The following CLTC variants were observed in gnomAD, a reference collection of about 807,000 sequenced individuals.
The protein encoded by CLTC is clathrin heavy chain, also known as clathrin heavy chain 1.
CLTC carries 16 observed loss-of-function variants against 195.8 expected under a neutral mutation model. That is an observed-to-expected ratio of 0.08 (90% CI 0.06 to 0.12). CLTC has a LOEUF of 0.12. Ranked by LOEUF, CLTC falls within the 10% of genes least tolerant of loss-of-function variation. The pLI is 1.00. For missense variants in CLTC, 796 were observed against 2,027.0 expected, an observed-to-expected ratio of 0.39 and a Z score of 11.66; for synonymous variants, 667 against 689.4, an observed-to-expected ratio of 0.97 and a Z score of 0.51.
chr17:59,647,081 G>A (rs1274170920), intron 2 of CLTC, among the ~76,000 whole-genome samples: 4 of 152,174 alleles, frequency 2.6e-5, no homozygotes, highest in African/African-American at 9.7e-5. Flanking sequence ...CAAGTATGAA[G>A]GTGACAGCTT....
Position 59,682,914 on chromosome 17 carries a change from T to C in CLTC, c.3773T>C (p.Phe1258Ser), listed in dbSNP as rs1332973535. The stretch of plus-strand genomic sequence containing the variant: ...AGGAAATGTTTATTCTAGGTCTGCT[T>C]CGCCTGTGTAGATGGGAAAGAATTC... ...NSTRTWKEVC[F>S]ACVDGKEFRL... Residue 1258 changes from phenylalanine to serine, a missense_variant, in exon 24 of 32, where the codon TTC becomes TCC. By Grantham distance (155) the Phe-to-Ser change is radical. Transcript: ENST00000269122. This position sits in a 1 kb window ranked among gnomAD's most constrained non-coding sequence, Gnocchi z 6.8. The C allele has an allele frequency of 1.9e-6, 3 of 1,614,026 alleles. No individual in the cohort carries two copies. In the African/African-American group the frequency reaches 4.0e-5, roughly 22 times the overall value.
At chr17:59,649,155 T>G (rs2032267921) in intron 4 of CLTC, among the ~76,000 whole-genome samples, 1 of 152,074 alleles carries the variant, frequency 6.6e-6, no homozygotes. Flanking sequence ...AATGGTCTGT[T>G]TAGTGAAGGA....
chr17:59,648,472 A>G lies in CLTC; in HGVS notation c.681+71A>G. ...GCTTTCTGCTATGAATTAGTCATCT[A>G]ATTTCAAAATAGCCTTCTCCCTTCC... On this transcript the variant is annotated intron_variant, in intron 4 of 31. Transcript: ENST00000269122. This position sits in a 1 kb window ranked among gnomAD's most constrained non-coding sequence, Gnocchi z 4.5. 1 of 1,337,690 alleles carries G rather than the reference A, an allele frequency of 7.5e-7. No individual in the cohort carries two copies. Among genetic ancestry groups the G allele is most frequent in the Non-Finnish European group, 1.0e-6 (1 of 971,186 alleles). The allele number at this position is 1,337,690 out of a possible 1,614,324, so 82.9% of individuals were successfully genotyped here.
intron 17 of CLTC, 163 bp from the exon 18 acceptor site, chr17:59,679,234 T>C (rs973544257): frequency 2.0e-6 from 1 of 496,402 alleles, no homozygotes; most frequent in Admixed American, 4.0e-5. Context: ...GTCTATATAA[T>C]TAAAACAGTA....
intron 2 of CLTC, among the ~76,000 whole-genome samples, chr17:59,645,679 A>G (rs540189927): frequency 6.6e-6 from 1 of 152,318 alleles, no homozygotes; most frequent in African/African-American, 2.4e-5. Context: ...TAGTAATAAT[A>G]CTAGTTGGAG....
At chr17:59,679,996 G>A (rs1345851414) in intron 18 of CLTC, among the ~76,000 whole-genome samples, 1 of 151,852 alleles carries the variant, frequency 6.6e-6, no homozygotes, top group Non-Finnish European at 1.5e-5. Flanking sequence ...GCAGTAAGCC[G>A]AGATCACGCC....
intron 2 of CLTC, chr17:59,646,107 A>G: frequency 2.6e-6 from 1 of 386,840 alleles, no homozygotes; most frequent in Non-Finnish European, 3.5e-6. Context: ...ATTGTACAAT[A>G]ACATCATAGA....
intron 1 of CLTC, among the ~76,000 whole-genome samples, chr17:59,643,922 T>C (rs575597567): frequency 6.6e-6 from 1 of 152,264 alleles, no homozygotes; most frequent in East Asian, 1.9e-4. Context: ...TGCTACATGT[T>C]AAGGGGGGTG....
chr17:59,680,906 CTG>C lies in CLTC; in HGVS notation c.2920-4_2920-3del. The C allele has an allele frequency of 6.2e-7, 1 of 1,611,270 alleles. No individual in the cohort carries two copies. The highest frequency in any genetic ancestry group is 1.1e-5 in the South Asian group (1 of 90,594). Reference sequence around the variant, plus strand: ...TCAGTACTTATGTCCCATATATCCTCTGTAGGTTGTACAAACAGCTTTGTCTG... The same window carrying C: ...TCAGTACTTATGTCCCATATATCCTCTAGGTTGTACAAACAGCTTTGTCTG... On this transcript the variant is annotated splice_region_variant and splice_polypyrimidine_tract_variant and intron_variant, in intron 18 of 31. Coordinates refer to ENST00000269122, the MANE Select transcript of CLTC (RefSeq NM_004859.4).
intron 28 of CLTC, 69 bp downstream of exon 28, chr17:59,684,054 AGC>A: frequency 3.9e-6 from 4 of 1,012,690 alleles, no homozygotes; most frequent in Non-Finnish European, 6.0e-6. Context: ...TTTTTAAAAA[AGC>A]CATTATCCTT....
chr17:59,622,477 A>G (rs2031411511), intron 1 of CLTC, among the ~76,000 whole-genome samples: 1 of 152,162 alleles, frequency 6.6e-6, no homozygotes, highest in Non-Finnish European at 1.5e-5. Context: ...TACTGGGCTC[A>G]AGCCATCCTC....
chr17:59,644,784 C>T (rs1331570609), intron 2 of CLTC, among the ~76,000 whole-genome samples: 1 of 152,178 alleles, frequency 6.6e-6, no homozygotes, highest in Non-Finnish European at 1.5e-5. Flanking sequence ...AACTCCTAAC[C>T]TCATGATCCG....
intron 1 of CLTC, among the ~76,000 whole-genome samples, chr17:59,643,293 ATAGT>A (rs1358980216): frequency 5.3e-5 from 8 of 152,216 alleles, no homozygotes; most frequent in Admixed American, 3.3e-4. Context: ...CTGTTACAAC[ATAGT>A]TAGTCACCCA....
Position 59,696,558 on chromosome 17 carries a change from C to G in CLTC, c.*2706C>G, listed in dbSNP as rs1231178176. 4 of 212,054 alleles carry G rather than the reference C, an allele frequency of 1.9e-5. No individual in the cohort carries two copies. The highest frequency in any genetic ancestry group is 3.8e-5 in the Non-Finnish European group (4 of 104,902). 13.1% of individuals were successfully genotyped at this position (212,054 alleles called of 1,614,324 possible). A position where few individuals can be genotyped will look rare whatever the true frequency, so the allele number is the denominator to read the frequency against. On this transcript the variant is annotated 3_prime_UTR_variant, in exon 32 of 32. Coordinates refer to ENST00000269122, the MANE Select transcript of CLTC (RefSeq NM_004859.4). Reference sequence around the variant, plus strand: ...TTCTAACAAGATGACTATCAGGAAGCTATGTGGCTTGGGGAGTTGGGACCC... The same window carrying G: ...TTCTAACAAGATGACTATCAGGAAGGTATGTGGCTTGGGGAGTTGGGACCC...
rs2143594302 is a variant in CLTC, at chr17:59,682,588, A to G, written c.3601-41A>G. The stretch of plus-strand genomic sequence containing the variant: ...AATTTGAAAAGAGGATTAAGCTCAC[A>G]CTAATATCTTGCTGAATGTGGGTTA... On this transcript the variant is annotated intron_variant, in intron 22 of 31. Coordinates refer to ENST00000269122, the MANE Select transcript of CLTC (RefSeq NM_004859.4). The surrounding 1 kb of genome is among the most constrained non-coding windows in gnomAD (Gnocchi z 6.8). 6.2e-7 allele frequency: 1 copy of G among 1,608,834 alleles called. No individual in the cohort carries two copies. Among genetic ancestry groups the G allele is most frequent in the Admixed American group, 1.7e-5 (1 of 59,662 alleles).
intron 31 of CLTC, among the ~76,000 whole-genome samples, chr17:59,692,655 C>T (rs79197443): frequency 2.0e-5 from 3 of 151,550 alleles, no homozygotes; most frequent in South Asian, 4.1e-4. Context: ...TTTTTTCCCC[C>T]AAGATGGGGT....
chr17:59,677,781 C>T (rs567275428), intron 17 of CLTC, among the ~76,000 whole-genome samples: 5 of 152,202 alleles, frequency 3.3e-5, no homozygotes, highest in Admixed American at 1.3e-4. Context: ...TTTTCTATGA[C>T]GCTGATATCT....
chr17:59,639,288 G>A (rs1430528783), intron 1 of CLTC, among the ~76,000 whole-genome samples: 3 of 152,150 alleles, frequency 2.0e-5, no homozygotes, highest in African/African-American at 7.2e-5. Flanking sequence ...CTGGAAAGAC[G>A]GGGTGGGTGA....
At chr17:59,622,629 C>T (rs552299520) in intron 1 of CLTC, among the ~76,000 whole-genome samples, 1 of 152,300 alleles carries the variant, frequency 6.6e-6, no homozygotes, top group African/African-American at 2.4e-5. Context: ...TTGCCTTGAC[C>T]TCCCAAAGTG....
Sources: gnomAD v4.1 joint callset for allele counts (sites outside exome capture counted in the v4.1 genomes callset) on GRCh38, gnomAD v4.1.1 for gene constraint, Gnocchi (gnomAD v3.1) non-coding constraint, MANE v1.5 for transcripts, NCBI Gene and HGNC (gene_info 2026-07-23, HGNC 2026-07-21) for gene names.